ZNF530: variants seen among roughly 807,000 people sequenced by gnomAD.
The protein encoded by ZNF530 is zinc finger protein 530.
Under a neutral mutation model 2.8 loss-of-function variants are expected in ZNF530, and 5 were observed. The ratio of observed to expected loss-of-function variants is 1.80; its 90% confidence interval spans 0.94 to 3.78. ZNF530 has a LOEUF of 3.78. ZNF530 is among the 30% of genes most tolerant of loss of function. The pLI, the probability that ZNF530 is intolerant of heterozygous loss-of-function variation, is 0.00. For synonymous variants in ZNF530, 229 were observed against 235.0 expected, an observed-to-expected ratio of 0.97 and a Z score of 0.23; for missense variants, 619 against 673.3, an observed-to-expected ratio of 0.92 and a Z score of 0.89.
intron 2 of ZNF530, among the ~76,000 whole-genome samples, chr19:57,603,891 G>GGGTAAGA (rs1980367562): frequency 6.6e-6 from 1 of 152,194 alleles, no homozygotes; most frequent in South Asian, 2.1e-4. Flanking sequence ...GGAGTGAGTT[G>GGGTAAGA]GGTAAGAGAG....
In ZNF530 at chr19:57,600,064, C is replaced by T. The variant is rs777004385; in HGVS notation, c.-192C>T. The T allele has an allele frequency of 1.1e-4, 160 of 1,513,422 alleles. No homozygotes were observed. The highest frequency in any genetic ancestry group is 1.4e-4 in the Non-Finnish European group (155 of 1,119,948). 93.7% of individuals were successfully genotyped at this position (1,513,422 alleles called of 1,614,324 possible). A position where few individuals can be genotyped will look rare whatever the true frequency, so the allele number is the denominator to read the frequency against. ...TGACAGCTTTGCTCTTGTCTCCGCC[C>T]GGATCGTCCACCGCTCCCGGCCCGC... is the stretch of plus-strand genomic sequence containing the variant. On this transcript the variant is annotated 5_prime_UTR_variant, in exon 1 of 4. Coordinates refer to ENST00000597700, the MANE Select transcript of ZNF530 (RefSeq NM_001321981.2).
chr19:57,607,076 G>T lies in ZNF530; in HGVS notation c.1452G>T (p.Arg484Ser), dbSNP rs756064367. The change falls in exon 4 of 4, where the codon AGG (arginine) becomes AGT (serine). Residue 484 changes from arginine (R) to serine (S), a missense_variant. Transcript: ENST00000597700. ...ACCAGACTGTTCACACTAATGAAAGGCCTTATGAGTGCGATGAATGTGGGA... is the reference window on the plus strand; with the variant it reads ...ACCAGACTGTTCACACTAATGAAAGTCCTTATGAGTGCGATGAATGTGGGA... Reference protein sequence around the residue: ...IRHQTVHTNERPYECDECGKS... With the variant: ...IRHQTVHTNESPYECDECGKS... The T allele has an allele frequency of 2.5e-6, 4 of 1,613,106 alleles. No homozygotes were observed. Among genetic ancestry groups the T allele is most frequent in the East Asian group, 2.2e-5 (1 of 44,864 alleles).
rs1451104846 is a variant in ZNF530, at chr19:57,608,413, G to C, written c.*1088G>C. 1 of 152,130 alleles carries C rather than the reference G, an allele frequency of 6.6e-6. No individual in the cohort carries two copies. The highest frequency in any genetic ancestry group is 6.5e-5 in the Admixed American group (1 of 15,276). The allele number at this position is 152,130 out of a possible 1,614,324, so 9.4% of individuals were successfully genotyped here. On this transcript the variant is annotated 3_prime_UTR_variant, in exon 4 of 4. Transcript: ENST00000597700. ...AGTATGCTCACAGAATATAGATTTT[G>C]CTCCATTTTTGGCCTATTTCGCATT...
intron 1 of ZNF530, 122 bp downstream of exon 1, chr19:57,600,256 GT>G: frequency 8.3e-7 from 1 of 1,204,702 alleles, no homozygotes; most frequent in Non-Finnish European, 1.1e-6. Flanking sequence ...GCTGGATCTC[GT>G]TTCTGGTAGT....
At position 57,605,860 on chromosome 19, in the gene ZNF530, C is replaced by T; in HGVS notation, c.236C>T (p.Ser79Leu). The T allele has an allele frequency of 6.2e-7, 1 of 1,614,190 alleles. No individual in the cohort carries two copies. The highest frequency in any genetic ancestry group is 8.5e-7 in the Non-Finnish European group (1 of 1,180,032). ...DILQMIELHA[S>L]PCGQKLYLGG... is the part of the protein sequence containing the mutation. Reference sequence around the variant, plus strand: ...TTACAAATGATTGAGCTCCATGCCTCACCCTGTGGACAGAAATTGTACTTG... The same window carrying T: ...TTACAAATGATTGAGCTCCATGCCTTACCCTGTGGACAGAAATTGTACTTG... Residue 79 changes from serine (S) to leucine (L), a missense_variant, in exon 4 of 4, where the codon TCA becomes TTA. Ser to Leu is a moderately radical substitution (Grantham distance 145, BLOSUM62 -2). Transcript: ENST00000597700.
chr19:57,610,791 T>C (rs1980848060), downstream of ZNF530, among the ~76,000 whole-genome samples: 1 of 152,170 alleles, frequency 6.6e-6, no homozygotes. Context: ...CCAAATTCAT[T>C]GTGCACATCT....
Position 57,607,161 on chromosome 19 carries a change from C to T in ZNF530, c.1537C>T (p.Pro513Ser). The T allele has an allele frequency of 6.2e-7, 1 of 1,614,092 alleles. No homozygotes were observed. Among genetic ancestry groups the T allele is most frequent in the Non-Finnish European group, 8.5e-7 (1 of 1,180,018 alleles). Residue 513 changes from proline (P) to serine (S), a missense_variant, in exon 4 of 4, where the codon CCT becomes TCT. Physicochemically the swap from Pro to Ser is moderately conservative, Grantham distance 74. Transcript: ENST00000597700. ...QHRRVHTGER[P>S]YECRECGKSF... ...TAGGAGAGTTCACACTGGAGAAAGGCCTTATGAGTGCAGAGAATGTGGGAA... is the reference window on the plus strand; with the variant it reads ...TAGGAGAGTTCACACTGGAGAAAGGTCTTATGAGTGCAGAGAATGTGGGAA...
Position 57,609,176 on chromosome 19 carries a change from C to CA in ZNF530, c.*1856dup, listed in dbSNP as rs1173459947. On this transcript the variant is annotated 3_prime_UTR_variant, in exon 4 of 4. Transcript: ENST00000597700. ...TGAAACCCCATCTCTACTGAAAATACAAAAATTAACCAGGTGCAGTGGTGC... is the reference window on the plus strand; with the variant it reads ...TGAAACCCCATCTCTACTGAAAATACAAAAAATTAACCAGGTGCAGTGGTGC... Among the ~76,000 whole-genome samples, 5 of 152,126 alleles carry CA rather than the reference C, an allele frequency of 3.3e-5. No homozygotes were observed. In the East Asian group the frequency reaches 9.7e-4, roughly 29 times the overall value.
At chr19:57,600,250 G>T in intron 1 of ZNF530, 116 bp downstream of exon 1, 1 of 1,257,836 alleles carries the variant, frequency 8.0e-7, no homozygotes, top group East Asian at 2.8e-5. Flanking sequence ...GCTGGTGCTG[G>T]ATCTCGTTTC....
At position 57,607,172 on chromosome 19, in the gene ZNF530, C is replaced by T. The variant is rs1429484567; in HGVS notation, c.1548C>T (p.Cys516=). The T allele has an allele frequency of 5.0e-6, 8 of 1,614,052 alleles. No homozygotes were observed. Among genetic ancestry groups the T allele is most frequent in the Non-Finnish European group, 6.8e-6 (8 of 1,180,022 alleles). The change falls in exon 4 of 4, where the codon TGC becomes TGT. Residue 516 remains cysteine (C), a synonymous_variant. Transcript: ENST00000597700. ...RVHTGERPYE[C]RECGKSFTRK... The stretch of plus-strand genomic sequence containing the variant: ...ACACTGGAGAAAGGCCTTATGAGTG[C>T]AGAGAATGTGGGAAATCTTTTACCC...
intron 2 of ZNF530, among the ~76,000 whole-genome samples, chr19:57,603,227 C>G (rs1000613142): frequency 2.5e-4 from 38 of 152,150 alleles, no homozygotes; most frequent in African/African-American, 7.5e-4. Flanking sequence ...TTCACTATTG[C>G]GAGAACAGCA....
At position 57,609,245 on chromosome 19, in the gene ZNF530, T is replaced by C. The variant is rs1359020603; in HGVS notation, c.*1920T>C. Among the ~76,000 whole-genome samples, 1 of 150,854 alleles carries C rather than the reference T, an allele frequency of 6.6e-6. No individual in the cohort carries two copies. Among genetic ancestry groups the C allele is most frequent in the Non-Finnish European group, 1.5e-5 (1 of 67,780 alleles). On this transcript the variant is annotated 3_prime_UTR_variant, in exon 4 of 4. Coordinates refer to ENST00000597700, the MANE Select transcript of ZNF530 (RefSeq NM_001321981.2). ...GCTCTGAAGGCTGACGCACCAAGAA[T>C]AGCTTGAACCCGGAAGTGGAGGTTG...
In ZNF530 at chr19:57,607,099, G is replaced by C; in HGVS notation, c.1475G>C (p.Gly492Ala). ...NERPYECDEC[G>A]KSYSQSSALL... is the part of the protein sequence containing the mutation. Reference sequence around the variant, plus strand: ...AGGCCTTATGAGTGCGATGAATGTGGGAAATCCTATAGCCAAAGCTCTGCC... The same window carrying C: ...AGGCCTTATGAGTGCGATGAATGTGCGAAATCCTATAGCCAAAGCTCTGCC... Residue 492 changes from glycine to alanine, a missense_variant, in exon 4 of 4, where the codon GGG (glycine) becomes GCG (alanine). Physicochemically the swap from Gly to Ala is moderately conservative, Grantham distance 60. Coordinates refer to ENST00000597700, the MANE Select transcript of ZNF530 (RefSeq NM_001321981.2). 1 of 1,613,300 alleles carries C rather than the reference G, an allele frequency of 6.2e-7. No homozygotes were observed. The highest frequency in any genetic ancestry group is 8.5e-7 in the Non-Finnish European group (1 of 1,179,876).
intron 3 of ZNF530, chr19:57,605,093 C>T (rs1042964587): frequency 1.3e-5 from 2 of 152,906 alleles, no homozygotes; most frequent in African/African-American, 4.8e-5. Context: ...ATAAACCTGT[C>T]CTGAGTTCTC....
intron 3 of ZNF530, 89 bp downstream of exon 3, chr19:57,604,495 C>T: frequency 6.6e-7 from 1 of 1,514,830 alleles, no homozygotes; most frequent in Non-Finnish European, 8.9e-7. Context: ...TTCAGTTAGA[C>T]CCTGAGCTCT....
chr19:57,607,089 G>T lies in ZNF530; in HGVS notation c.1465G>T (p.Asp489Tyr), dbSNP rs372459735. 6.2e-6 allele frequency: 10 copies of T among 1,606,896 alleles called. No homozygotes were observed. Among genetic ancestry groups the T allele is most frequent in the Non-Finnish European group, 8.5e-6 (10 of 1,178,036 alleles). Residue 489 changes from aspartate (D) to tyrosine (Y), a missense_variant, in exon 4 of 4, where the codon GAT becomes TAT. Physicochemically the swap from Asp to Tyr is radical, Grantham distance 160. Transcript: ENST00000597700. ...CACTAATGAAAGGCCTTATGAGTGC[G>T]ATGAATGTGGGAAATCCTATAGCCA... is the stretch of plus-strand genomic sequence containing the variant. ...VHTNERPYECDECGKSYSQSS... is the reference protein window; with the variant it reads ...VHTNERPYECYECGKSYSQSS...
At chr19:57,602,425 G>A (rs542884902) in intron 2 of ZNF530, among the ~76,000 whole-genome samples, 12 of 152,242 alleles carry the variant, frequency 7.9e-5, no homozygotes, top group South Asian at 4.1e-4. Context: ...GTGGGTGGGC[G>A]TGGGGCAGAA....
At position 57,609,826 on chromosome 19, in the gene ZNF530, A is replaced by C. The variant is rs1050797591; in HGVS notation, c.*2501A>C. On this transcript the variant is annotated 3_prime_UTR_variant, in exon 4 of 4. Coordinates refer to ENST00000597700, the MANE Select transcript of ZNF530 (RefSeq NM_001321981.2). Reference sequence around the variant, plus strand: ...CACAGACAAAAAAAAAAAAGGATGAAGTCAAGAGAGATTCGGTTGTCCTTG... The same window carrying C: ...CACAGACAAAAAAAAAAAAGGATGACGTCAAGAGAGATTCGGTTGTCCTTG... Among the ~76,000 whole-genome samples, 7 of 151,940 alleles carry C rather than the reference A, an allele frequency of 4.6e-5. No individual in the cohort carries two copies. The highest frequency in any genetic ancestry group is 1.2e-4 in the African/African-American group (5 of 41,460).
At chr19:57,603,342 A>G (rs1980339125) in intron 2 of ZNF530, among the ~76,000 whole-genome samples, 1 of 152,244 alleles carries the variant, frequency 6.6e-6, no homozygotes, top group Admixed American at 6.5e-5. Flanking sequence ...GGGTGGAGAC[A>G]CAGCCAAACC....
Sources: allele counts gnomAD v4.1 joint callset (sites outside exome capture counted in the v4.1 genomes callset), GRCh38; gene constraint gnomAD v4.1.1; transcripts MANE v1.5; gene names NCBI Gene and HGNC (gene_info 2026-07-23, HGNC 2026-07-21).